Variants in ESYT2 observed in about 807,000 individuals in gnomAD.
ESYT2 encodes the protein extended synaptotagmin-2.
A neutral mutation model predicts 107.2 loss-of-function variants in ESYT2; 54 were observed. The ratio of observed to expected loss-of-function variants is 0.50; its 90% CI spans 0.40 to 0.63. The LOEUF (loss-of-function observed/expected upper bound fraction) is 0.63. Ranked by LOEUF, ESYT2 falls within the 30% of genes least tolerant of loss-of-function variation. The pLI, the probability that ESYT2 is intolerant of heterozygous loss-of-function variation, is 0.00. For synonymous variants in ESYT2, 491 were observed against 434.1 expected, an observed-to-expected ratio of 1.13 and a Z score of -1.63; for missense variants, 1,020 against 1,094.5, an observed-to-expected ratio of 0.93 and a Z score of 0.96.
intron 1 of ESYT2, among the ~76,000 whole-genome samples, chr7:158,807,437 T>C (rs1180885290): frequency 1.3e-5 from 2 of 152,180 alleles, no homozygotes; most frequent in Non-Finnish European, 2.9e-5. Flanking sequence ...TCGCGACTTA[T>C]GAGAAGGAGG....
chr7:158,783,374 G>A (rs1733263461), intron 6 of ESYT2, among the ~76,000 whole-genome samples: 1 of 152,152 alleles, frequency 6.6e-6, no homozygotes, highest in South Asian at 2.1e-4. Context: ...CTGGCATCCT[G>A]GCTGCATTGA....
rs771464234 is a variant in ESYT2, at chr7:158,741,600, C to G, written c.2091G>C (p.Pro697=). ...AGATGTCCGAGGCGATGCTGGGGGT[C>G]GGCTCCTTGACTGAGATGTGGCCTG... ...ASPGHISVKE[P]TPSIASDISL... is the part of the protein sequence containing the mutation. Residue 697 remains proline (P), a synonymous_variant, in exon 18 of 23, where the codon CCG becomes CCC. Transcript: ENST00000275418. The G allele has an allele frequency of 3.7e-6, 6 of 1,611,772 alleles. No individual in the cohort carries two copies. The South Asian group carries it at 6.6e-5, about 18-fold the overall frequency.
At chr7:158,781,769 A>G (rs535604262) in intron 6 of ESYT2, among the ~76,000 whole-genome samples, 2 of 152,050 alleles carry the variant, frequency 1.3e-5, no homozygotes, top group South Asian at 4.2e-4. Context: ...ATGTGAGTGT[A>G]AGAACGAGAA....
intron 3 of ESYT2, 104 bp from the exon 4 acceptor site, chr7:158,793,830 T>A: frequency 2.2e-6 from 2 of 907,102 alleles, no homozygotes; most frequent in Non-Finnish European, 3.3e-6. Flanking sequence ...AATTTCAGAC[T>A]ACAACAGGAA....
chr7:158,745,426 A>G (rs1837366889), intron 16 of ESYT2, among the ~76,000 whole-genome samples: 2 of 139,602 alleles, frequency 1.4e-5, no homozygotes, highest in Admixed American at 6.9e-5. Flanking sequence ...CATGCTCTTC[A>G]TACCTGATAT....
chr7:158,756,624 A>G (rs1401329558), intron 13 of ESYT2, among the ~76,000 whole-genome samples: 1 of 152,108 alleles, frequency 6.6e-6, no homozygotes, highest in Non-Finnish European at 1.5e-5. Flanking sequence ...GGAAGGGATA[A>G]TAGGCCGGGC....
At chr7:158,742,259 C>G (rs953407677) in intron 17 of ESYT2, among the ~76,000 whole-genome samples, 1 of 152,128 alleles carries the variant, frequency 6.6e-6, no homozygotes, top group Non-Finnish European at 1.5e-5. Flanking sequence ...AGCAACAGGG[C>G]GGTGGCAGTG....
intron 19 of ESYT2, among the ~76,000 whole-genome samples, chr7:158,737,788 T>C (rs867694668): frequency 6.6e-6 from 1 of 152,198 alleles, no homozygotes; most frequent in African/African-American, 2.4e-5. Context: ...TATTTTCCTA[T>C]GTTTCCAACA....
chr7:158,733,980 C>T lies in ESYT2; in HGVS notation c.*227G>A, dbSNP rs1048761415. 26 of 538,066 alleles carry T rather than the reference C, an allele frequency of 4.8e-5. No individual in the cohort carries two copies. The Admixed American group carries it at 6.0e-4, about 12-fold the overall frequency. 33.3% of individuals were successfully genotyped at this position (538,066 alleles called of 1,614,324 possible). ...AGACACAAGAGCTACCGCCGCCCTA[C>T]TGCACGTTGTAGGAACTGGCGAAAT... is the stretch of plus-strand genomic sequence containing the variant. On this transcript the variant is annotated 3_prime_UTR_variant, in exon 23 of 23. Transcript: ENST00000275418.
At chr7:158,823,123 T>C (rs1189946653) in intron 1 of ESYT2, among the ~76,000 whole-genome samples, 1 of 151,238 alleles carries the variant, frequency 6.6e-6, no homozygotes, top group Non-Finnish European at 1.5e-5. Context: ...TGAAACCCTG[T>C]CTGCACTATA....
chr7:158,743,418 G>T, intron 17 of ESYT2, 111 bp downstream of exon 17: 2 of 1,405,240 alleles, frequency 1.4e-6, no homozygotes, highest in Non-Finnish European at 1.9e-6. Flanking sequence ...GCCCAGAGCT[G>T]CAGCCGACAC....
At chr7:158,766,799 G>A (rs902450698) in intron 8 of ESYT2, among the ~76,000 whole-genome samples, 1 of 152,180 alleles carries the variant, frequency 6.6e-6, no homozygotes. Context: ...CACCACCACG[G>A]TGGTAATGCT....
At chr7:158,771,242 G>A (rs1369552835) in intron 7 of ESYT2, among the ~76,000 whole-genome samples, 1 of 152,218 alleles carries the variant, frequency 6.6e-6, no homozygotes, top group East Asian at 1.9e-4. Flanking sequence ...CAGAGTAGAT[G>A]TTCAATAATG....
At chr7:158,825,295 AAATAAATAAATAAATGAAAT>A (rs556831350) in intron 1 of ESYT2, among the ~76,000 whole-genome samples, 285 of 152,260 alleles carry the variant, frequency 1.9e-3, no homozygotes, top group Middle Eastern at 6.8e-3. Flanking sequence ...TCCGTCTCAA[AAATAAATAAATAAATGAAAT>A]AATAAATAAA....
intron 13 of ESYT2, among the ~76,000 whole-genome samples, chr7:158,753,529 C>G (rs1378862871): frequency 6.6e-6 from 1 of 150,956 alleles, no homozygotes; most frequent in African/African-American, 2.4e-5. Flanking sequence ...GACTAGTATT[C>G]AAGATTAAAG....
intron 13 of ESYT2, among the ~76,000 whole-genome samples, chr7:158,756,315 G>A (rs1837753836): frequency 6.6e-6 from 1 of 152,194 alleles, no homozygotes. Context: ...CAAGCACAGA[G>A]AACAGCACAG....
intron 1 of ESYT2, among the ~76,000 whole-genome samples, chr7:158,825,234 G>A (rs1840405063): frequency 6.6e-6 from 1 of 152,184 alleles, no homozygotes; most frequent in South Asian, 2.1e-4. Flanking sequence ...CAGAGGTTGC[G>A]GTGAGCCGAG....
intron 1 of ESYT2, chr7:158,827,666 CCTT>C (rs1480865407): frequency 1.5e-4 from 22 of 148,658 alleles, no homozygotes; most frequent in African/African-American, 4.6e-4. Flanking sequence ...GCATCTACTA[CCTT>C]CTTCTTGTCT....
intron 18 of ESYT2, among the ~76,000 whole-genome samples, chr7:158,739,782 G>C (rs535492637): frequency 1.4e-5 from 2 of 139,330 alleles, no homozygotes; most frequent in East Asian, 5.4e-4. Context: ...CAGGACGGGA[G>C]GTTATTTATA....
Sources: gnomAD v4.1 joint callset for allele counts (sites outside exome capture counted in the v4.1 genomes callset) on GRCh38, gnomAD v4.1.1 for gene constraint, MANE v1.5 for transcripts, NCBI Gene and HGNC (gene_info 2026-07-23, HGNC 2026-07-21) for gene names.